The following LIPA variants were observed in gnomAD, a reference collection of about 807,000 sequenced individuals.
The protein encoded by LIPA is lysosomal acid lipase/cholesteryl ester hydrolase.
A neutral mutation model predicts 40.6 loss-of-function variants in LIPA; 26 were observed. That is an observed-to-expected ratio of 0.64 (90% CI 0.47 to 0.89). LIPA has a LOEUF of 0.89. LIPA is among the 40% of genes least tolerant of loss of function. The probability of loss-of-function intolerance (pLI) is 0.00; values close to 1 mark genes in which losing one functional copy is unlikely to be tolerated. For synonymous variants in LIPA, 188 were observed against 168.4 expected, an observed-to-expected ratio of 1.12 and a Z score of -0.90; for missense variants, 455 against 479.6, an observed-to-expected ratio of 0.95 and a Z score of 0.48.
chr10:89,223,590 A>T, intron 7 of LIPA, 94 bp downstream of exon 7: 8 of 1,047,384 alleles, frequency 7.6e-6, no homozygotes, highest in Non-Finnish European at 7.4e-6. Flanking sequence ...TAGAGTTCTG[A>T]TGAGGTCATT....
intron 2 of LIPA, chr10:89,402,590 T>C: frequency 6.2e-7 from 1 of 1,614,188 alleles, no homozygotes; most frequent in East Asian, 2.2e-5. Flanking sequence ...CCTGGATGTA[T>C]TACCACATGG....
At chr10:89,372,141 G>A (rs1315400780) in intron 2 of LIPA, among the ~76,000 whole-genome samples, 3 of 152,202 alleles carry the variant, frequency 2.0e-5, no homozygotes, top group Non-Finnish European at 4.4e-5. Context: ...GTAGTCAGCT[G>A]GCAGTTTCAC....
chr10:89,215,708 A>G (rs1251169942), intron 9 of LIPA, among the ~76,000 whole-genome samples: 4 of 152,230 alleles, frequency 2.6e-5, no homozygotes, highest in Non-Finnish European at 5.9e-5. Flanking sequence ...AATGCATAAC[A>G]GTGATGATTC....
chr10:89,412,787 T>C lies in LIPA; in HGVS notation c.61+4A>G, dbSNP rs1242540423. Reference sequence around the variant, plus strand: ...TCCTGAAGTCAGCAAGACCACGAACTCACCAGAAGGAAGAAACTCCAGACA... The same window carrying C: ...TCCTGAAGTCAGCAAGACCACGAACCCACCAGAAGGAAGAAACTCCAGACA... On this transcript the variant is annotated splice_donor_region_variant and intron_variant, in intron 2 of 8. Transcript: ENST00000371837. The C allele has an allele frequency of 9.6e-6, 4 of 416,308 alleles. No homozygotes were observed. The Admixed American group carries it at 1.1e-4, about 12-fold the overall frequency. 25.8% of individuals were successfully genotyped at this position (416,308 alleles called of 1,614,324 possible). A position where few individuals can be genotyped will look rare whatever the true frequency, so the allele number is the denominator to read the frequency against.
Position 89,328,069 on chromosome 10 carries a change from C to T in LIPA, c.-2+14542G>A, listed in dbSNP as rs762507604. 10 of 1,613,860 alleles carry T rather than the reference C, an allele frequency of 6.2e-6. 1 individual carries two copies. In the South Asian group the frequency reaches 9.9e-5, roughly 16 times the overall value. On this transcript the variant is annotated intron_variant, in intron 1 of 5. Coordinates refer to the LIPA transcript ENST00000282673. ...TTCGGAACAGCAGAGACACAGAGGGCAGTCATGAGGTCAGTGAAATAAGAA... is the reference window on the plus strand; with the variant it reads ...TTCGGAACAGCAGAGACACAGAGGGTAGTCATGAGGTCAGTGAAATAAGAA...
At chr10:89,298,043 C>T (rs1589592820) in intron 1 of LIPA, among the ~76,000 whole-genome samples, 1 of 152,348 alleles carries the variant, frequency 6.6e-6, no homozygotes, top group East Asian at 1.9e-4. Flanking sequence ...CCCTGCACCA[C>T]AGCCACTGCC....
intron 1 of LIPA, among the ~76,000 whole-genome samples, chr10:89,324,066 C>G (rs927267535): frequency 2.6e-5 from 4 of 152,068 alleles, no homozygotes; most frequent in Non-Finnish European, 5.9e-5. Flanking sequence ...GGTACTGGTA[C>G]AAAAACAGAC....
At chr10:89,329,350 CTG>C (rs1005778813) in intron 1 of LIPA, among the ~76,000 whole-genome samples, 3 of 152,134 alleles carry the variant, frequency 2.0e-5, no homozygotes, top group Admixed American at 1.3e-4. Flanking sequence ...TTAATTGTGT[CTG>C]TGTGAGTGGG....
intron 1 of LIPA, among the ~76,000 whole-genome samples, chr10:89,318,729 G>T (rs1026307339): frequency 6.6e-6 from 1 of 152,120 alleles, no homozygotes; most frequent in Non-Finnish European, 1.5e-5. Context: ...GACATCTACA[G>T]AACTCTCCAC....
At position 89,388,794 on chromosome 10, in the gene LIPA, T is replaced by TAA. The variant is rs140698869; in HGVS notation, c.61+23995_61+23996dup. On this transcript the variant is annotated intron_variant, in intron 2 of 8. Transcript: ENST00000371837. ...GTTGTTTCAAAATATGCCTGAAATG[T>TAA]AAAAAAAAAAAAAAAATGAGCTAAT... Among the ~76,000 whole-genome samples the TAA allele has an allele frequency of 3.1e-3, 437 of 140,260 alleles. 2 individuals carry two copies. Among genetic ancestry groups the TAA allele is most frequent in the African/African-American group, 0.011 (409 of 37,596 alleles). 92.0% of individuals were successfully genotyped at this position (140,260 alleles called of 152,430 possible).
chr10:89,398,324 T>A (rs1441763878), intron 2 of LIPA, among the ~76,000 whole-genome samples: 7 of 152,234 alleles, frequency 4.6e-5, no homozygotes, highest in African/African-American at 1.7e-4. Flanking sequence ...TGCGTGATGT[T>A]CCCTGAAAGG....
intron 1 of LIPA, among the ~76,000 whole-genome samples, chr10:89,332,822 G>C (rs1003696718): frequency 1.3e-5 from 2 of 152,142 alleles, no homozygotes; most frequent in Non-Finnish European, 2.9e-5. Flanking sequence ...AAGGACACAG[G>C]GAAATGGGAG....
chr10:89,267,444 T>C (rs1196799825), intron 1 of LIPA, among the ~76,000 whole-genome samples: 8 of 151,722 alleles, frequency 5.3e-5, no homozygotes, highest in Admixed American at 3.3e-4. Context: ...ACCAAAGAAA[T>C]TGGAAACCAT....
intron 2 of LIPA, chr10:89,406,437 G>A (rs530153461): frequency 1.3e-5 from 2 of 152,370 alleles, no homozygotes; most frequent in South Asian, 2.1e-4. Flanking sequence ...CCCCTTCCAT[G>A]CTGTGGAAGT....
At chr10:89,294,474 A>C (rs538523607) in intron 1 of LIPA, among the ~76,000 whole-genome samples, 1 of 152,324 alleles carries the variant, frequency 6.6e-6, no homozygotes, top group Admixed American at 6.5e-5. Context: ...GGTTGAAGTC[A>C]TCCTTTTATA....
intron 1 of LIPA, among the ~76,000 whole-genome samples, chr10:89,280,648 T>G (rs1169417499): frequency 6.6e-6 from 1 of 152,244 alleles, no homozygotes; most frequent in Admixed American, 6.5e-5. Flanking sequence ...TTCTGCTACT[T>G]TTGACCGTAG....
At chr10:89,265,071 C>T (rs1027586371) in intron 1 of LIPA, among the ~76,000 whole-genome samples, 1 of 152,200 alleles carries the variant, frequency 6.6e-6, no homozygotes, top group African/African-American at 2.4e-5. Context: ...CTGAGCACAT[C>T]CACACCTAAC....
At position 89,241,190 on chromosome 10, in the gene LIPA, T is replaced by C. The variant is rs554183326; in HGVS notation, c.229+4486A>G. ...GGGAAGGGGACAGGGCAGAGCACTA[T>C]CTTCCTTTCCACTTGGCTTTCTGCT... On this transcript the variant is annotated intron_variant, in intron 3 of 9. Coordinates refer to ENST00000336233, the MANE Select transcript of LIPA (RefSeq NM_000235.4). 2.0e-5 allele frequency among the ~76,000 whole-genome samples: 3 copies of C among 152,300 alleles called. No individual in the cohort carries two copies. The East Asian group carries it at 5.8e-4, about 29-fold the overall frequency.
At chr10:89,266,491 G>A (rs544860052) in intron 1 of LIPA, among the ~76,000 whole-genome samples, 32 of 152,128 alleles carry the variant, frequency 2.1e-4, no homozygotes, top group Admixed American at 1.9e-3. Flanking sequence ...AATTACCTTC[G>A]GGCTATGTGT....
Sources: gnomAD v4.1 joint callset for allele counts (sites outside exome capture counted in the v4.1 genomes callset) on GRCh38, gnomAD v4.1.1 for gene constraint, MANE v1.5 for transcripts, NCBI Gene and HGNC (gene_info 2026-07-23, HGNC 2026-07-21) for gene names.